CNTN4: variants seen among roughly 807,000 people sequenced by gnomAD.
CNTN4 encodes contactin-4.
CNTN4 carries 77 observed loss-of-function variants against 122.5 expected under a neutral mutation model. The ratio of observed to expected loss-of-function variants is 0.63; its 90% CI spans 0.52 to 0.76. The LOEUF (loss-of-function observed/expected upper bound fraction) is 0.76. Among genes scored for constraint, CNTN4 ranks in the 30% least tolerant of loss-of-function variants. The probability of loss-of-function intolerance (pLI) is 0.00; values close to 1 mark genes in which losing one functional copy is unlikely to be tolerated. For missense variants in CNTN4, 1,256 were observed against 1,259.1 expected (o/e 1.00, Z 0.04); for synonymous variants, 512 against 447.0 (o/e 1.15, Z -1.83).
Position 2,363,403 on chromosome 3 carries a change from C to G in CNTN4, c.-89+24170C>G, listed in dbSNP as rs17013214. On this transcript the variant is annotated intron_variant, in intron 3 of 24. Coordinates refer to ENST00000418658, the MANE Select transcript of CNTN4 (RefSeq NM_175607.3). ...TCTAAAATGCCCTAGTAGGTTAAGA[C>G]TACAATTAGTAATTGGTAAACATGC... Among the ~76,000 whole-genome samples, 1,478 of 152,288 alleles carry G rather than the reference C, an allele frequency of 9.7e-3. 30 individuals are homozygous for G. The highest frequency in any genetic ancestry group is 0.034 in the African/African-American group (1,414 of 41,558).
intron 3 of CNTN4, among the ~76,000 whole-genome samples, chr3:2,405,438 A>G (rs546226265): frequency 1.3e-5 from 2 of 152,296 alleles, no homozygotes; most frequent in East Asian, 3.9e-4. Context: ...AAAGTCCTCA[A>G]AAAGTAAGAG....
intron 3 of CNTN4, among the ~76,000 whole-genome samples, chr3:2,430,340 T>C (rs778164009): frequency 2.0e-5 from 3 of 148,936 alleles, no homozygotes; most frequent in Non-Finnish European, 4.4e-5. Flanking sequence ...GAGAATGGCA[T>C]GAACCTGGGA....
intron 6 of CNTN4, among the ~76,000 whole-genome samples, chr3:2,759,828 C>T (rs1221088798): frequency 4.6e-5 from 7 of 152,102 alleles, no homozygotes; most frequent in Admixed American, 6.5e-5. Context: ...TTCTCCACAT[C>T]CTCACTAGCA....
chr3:2,963,494 C>A (rs1292482485), intron 13 of CNTN4, among the ~76,000 whole-genome samples: 1 of 152,194 alleles, frequency 6.6e-6, no homozygotes, highest in African/African-American at 2.4e-5. Flanking sequence ...TCCCACTGGC[C>A]TTTCTGTTCC....
Position 2,920,940 on chromosome 3 carries a change from C to T in CNTN4, c.1208-4689C>T, listed in dbSNP as rs541310295. Among the ~76,000 whole-genome samples, 3 of 152,292 alleles carry T rather than the reference C, an allele frequency of 2.0e-5. No homozygotes were observed. In the East Asian group the frequency reaches 5.8e-4, roughly 29 times the overall value. ...ACAATAGAAGGATGGATATTAGGAA[C>T]ACTAGAAGGGGCACATCATGCTAAC... is the stretch of plus-strand genomic sequence containing the variant. On this transcript the variant is annotated intron_variant, in intron 12 of 24. Transcript: ENST00000418658.
At chr3:2,501,670 A>T (rs1193263852) in intron 3 of CNTN4, among the ~76,000 whole-genome samples, 1 of 152,118 alleles carries the variant, frequency 6.6e-6, no homozygotes, top group Admixed American at 6.5e-5. Flanking sequence ...TATCCCTCTC[A>T]TAAGGACCCC....
chr3:2,296,171 G>A (rs1403687424), intron 2 of CNTN4, among the ~76,000 whole-genome samples: 2 of 151,960 alleles, frequency 1.3e-5, no homozygotes, highest in South Asian at 4.2e-4. Flanking sequence ...GCTCTTTTTT[G>A]GTTCCATATG....
rs530604581 is a variant in CNTN4, at chr3:2,470,659, T to C, written c.-88-100757T>C. 1.8e-4 allele frequency among the ~76,000 whole-genome samples: 27 copies of C among 152,304 alleles called. No individual in the cohort carries two copies. In the South Asian group the frequency reaches 5.4e-3, roughly 30 times the overall value. On this transcript the variant is annotated intron_variant, in intron 3 of 24. Transcript: ENST00000418658. ...CCCCACAATGTATTTCTCTCTCATA[T>C]TCTTTTGAAAGACTCTAATAGTCTC...
At chr3:2,366,737 A>AAT (rs1553633759) in intron 3 of CNTN4, among the ~76,000 whole-genome samples, 25 of 149,936 alleles carry the variant, frequency 1.7e-4, no homozygotes, top group Admixed American at 8.0e-4. Flanking sequence ...AAAAAAAAAA[A>AAT]AATAATAATA....
At chr3:2,457,449 G>A (rs1207906425) in intron 3 of CNTN4, among the ~76,000 whole-genome samples, 2 of 151,842 alleles carry the variant, frequency 1.3e-5, no homozygotes, top group Admixed American at 6.6e-5. Context: ...ATAAAGTCAC[G>A]GTATATATAC....
At chr3:2,574,912 G>A (rs532593804) in intron 4 of CNTN4, among the ~76,000 whole-genome samples, 1 of 151,800 alleles carries the variant, frequency 6.6e-6, no homozygotes, top group African/African-American at 2.4e-5. Flanking sequence ...ATTTAAATTG[G>A]TTTTAAAAGT....
chr3:2,395,252 A>G (rs755140734), intron 3 of CNTN4, among the ~76,000 whole-genome samples: 55 of 152,188 alleles, frequency 3.6e-4, no homozygotes, highest in Non-Finnish European at 7.1e-4. Context: ...AGGAAGCCAT[A>G]CACAAGGAAA....
intron 2 of CNTN4, among the ~76,000 whole-genome samples, chr3:2,326,249 T>C (rs569101438): frequency 1.3e-5 from 2 of 152,256 alleles, no homozygotes; most frequent in South Asian, 4.2e-4. Context: ...AACTGGGACA[T>C]TGGCTTTTTT....
intron 2 of CNTN4, 111 bp from the exon 3 acceptor site, chr3:2,339,067 A>T (rs867573081): frequency 6.6e-6 from 1 of 152,122 alleles, no homozygotes; most frequent in Non-Finnish European, 1.5e-5. Context: ...GTCCTAATCC[A>T]ATCTGATTTA....
At chr3:2,799,394 T>C (rs1370459342) in intron 6 of CNTN4, among the ~76,000 whole-genome samples, 1 of 152,236 alleles carries the variant, frequency 6.6e-6, no homozygotes, top group Non-Finnish European at 1.5e-5. Flanking sequence ...ATCTTACTCA[T>C]GGATTGTTTG....
chr3:2,247,256 A>C (rs1262715858), intron 2 of CNTN4, among the ~76,000 whole-genome samples: 1 of 152,030 alleles, frequency 6.6e-6, no homozygotes, highest in Non-Finnish European at 1.5e-5. Flanking sequence ...TGTTCAAAAG[A>C]AAAACCCAAG....
intron 4 of CNTN4, among the ~76,000 whole-genome samples, chr3:2,638,492 C>CT (rs774528445): frequency 1.2e-3 from 175 of 147,364 alleles, no homozygotes; most frequent in African/African-American, 3.0e-3. Context: ...AAACATTTAT[C>CT]TTTTTTTTTT....
At chr3:2,703,025 G>T (rs1243943822) in intron 4 of CNTN4, among the ~76,000 whole-genome samples, 1 of 152,132 alleles carries the variant, frequency 6.6e-6, no homozygotes, top group African/African-American at 2.4e-5. Context: ...AATGAAATGG[G>T]AGTTACTATT....
At chr3:2,240,014 AAT>A (rs2039868948) in intron 2 of CNTN4, among the ~76,000 whole-genome samples, 1 of 152,194 alleles carries the variant, frequency 6.6e-6, no homozygotes, top group Non-Finnish European at 1.5e-5. Context: ...AGAGCATTAA[AAT>A]ATCTGTTTTC....
Sources: gnomAD v4.1 joint callset for allele counts (sites outside exome capture counted in the v4.1 genomes callset) on GRCh38, gnomAD v4.1.1 for gene constraint, MANE v1.5 for transcripts, NCBI Gene and HGNC (gene_info 2026-07-23, HGNC 2026-07-21) for gene names.